ENTREP2: variants seen among roughly 807,000 people sequenced by gnomAD.
The protein encoded by ENTREP2 is protein ENTREP2.
At chr15:29,485,213 A>G in the ENTREP2 span, among the ~76,000 whole-genome samples, 422 of 152,280 alleles carry the variant, frequency 2.8e-3, 1 homozygote, top group Non-Finnish European at 4.3e-3. Flanking sequence ...TGGAATGGAG[A>G]GAAAGGTAAA....
At chr15:29,672,197 A>C in the ENTREP2 span, among the ~76,000 whole-genome samples, 1 of 152,160 alleles carries the variant, frequency 6.6e-6, no homozygotes, top group African/African-American at 2.4e-5. Flanking sequence ...CATGTTGGCC[A>C]GGCTGATCTC....
chr15:29,274,640 G>T, the ENTREP2 span, among the ~76,000 whole-genome samples: 1 of 152,138 alleles, frequency 6.6e-6, no homozygotes, highest in Admixed American at 6.6e-5. Context: ...CTTCTTTCCA[G>T]GGATTTCTGT....
chr15:29,287,287 G>A, the ENTREP2 span, among the ~76,000 whole-genome samples: 3 of 151,594 alleles, frequency 2.0e-5, no homozygotes, highest in African/African-American at 4.9e-5. Flanking sequence ...CCTTGTTCTC[G>A]GCTTTGCAAG....
the ENTREP2 span, among the ~76,000 whole-genome samples, chr15:29,515,416 C>A: frequency 6.6e-6 from 1 of 152,198 alleles, no homozygotes; most frequent in Non-Finnish European, 1.5e-5. Flanking sequence ...GGCAACAAAT[C>A]GGATGATGAC....
chr15:29,613,691 G>A, the ENTREP2 span: 1 of 168,810 alleles, frequency 5.9e-6, no homozygotes, highest in Non-Finnish European at 1.3e-5. Flanking sequence ...AAACTATGAG[G>A]ACCTGACCCA....
the ENTREP2 span, among the ~76,000 whole-genome samples, chr15:29,489,433 G>T: frequency 6.6e-6 from 1 of 152,216 alleles, no homozygotes; most frequent in South Asian, 2.1e-4. Context: ...AACATGGTGG[G>T]GTGATCTTTA....
the ENTREP2 span, among the ~76,000 whole-genome samples, chr15:29,588,075 C>T: frequency 6.6e-5 from 10 of 152,102 alleles, no homozygotes; most frequent in African/African-American, 1.2e-4. Context: ...GCATCGACAG[C>T]GGCTAACATT....
At chr15:29,312,207 T>C in the ENTREP2 span, among the ~76,000 whole-genome samples, 2 of 152,174 alleles carry the variant, frequency 1.3e-5, no homozygotes. Flanking sequence ...CCCATGTACT[T>C]AGACAAGAGA....
the ENTREP2 span, among the ~76,000 whole-genome samples, chr15:29,418,813 G>C: frequency 6.6e-6 from 1 of 152,214 alleles, no homozygotes; most frequent in Non-Finnish European, 1.5e-5. Context: ...ACAAGCAGCA[G>C]CCTGAGAACT....
chr15:29,507,966 A>C, the ENTREP2 span, among the ~76,000 whole-genome samples: 1 of 152,216 alleles, frequency 6.6e-6, no homozygotes, highest in Non-Finnish European at 1.5e-5. Context: ...ATCCAGGAGC[A>C]GATTTTTTGA....
the ENTREP2 span, among the ~76,000 whole-genome samples, chr15:29,149,288 GT>G: frequency 6.6e-6 from 1 of 152,196 alleles, no homozygotes; most frequent in East Asian, 1.9e-4. Flanking sequence ...GAACTCGACT[GT>G]GCTGTACCAG....
At chr15:29,382,349 T>G in the ENTREP2 span, among the ~76,000 whole-genome samples, 1 of 152,038 alleles carries the variant, frequency 6.6e-6, no homozygotes, top group East Asian at 1.9e-4. Flanking sequence ...CCTGCCATGG[T>G]TGCATGGACC....
chr15:29,132,967 G>A, the ENTREP2 span, among the ~76,000 whole-genome samples: 1 of 152,160 alleles, frequency 6.6e-6, no homozygotes, highest in Non-Finnish European at 1.5e-5. Context: ...GAAGGGGACA[G>A]AGCTGCCCCC....
At chr15:29,623,817 C>A in the ENTREP2 span, among the ~76,000 whole-genome samples, 1 of 152,214 alleles carries the variant, frequency 6.6e-6, no homozygotes, top group Non-Finnish European at 1.5e-5. Flanking sequence ...AACTCACCCT[C>A]TCCCTCCTCC....
the ENTREP2 span, among the ~76,000 whole-genome samples, chr15:29,145,635 A>T: frequency 1.3e-5 from 2 of 150,982 alleles, no homozygotes; most frequent in Admixed American, 6.6e-5. Flanking sequence ...AAAAAAAAAA[A>T]AAAAAAAAAA....
chr15:29,602,754 G>A, the ENTREP2 span, among the ~76,000 whole-genome samples: 1 of 152,064 alleles, frequency 6.6e-6, no homozygotes. Context: ...GTTCCTGGGA[G>A]CTCCTTAATG....
the ENTREP2 span, among the ~76,000 whole-genome samples, chr15:29,385,928 C>T: frequency 1.3e-5 from 2 of 152,148 alleles, no homozygotes; most frequent in Admixed American, 1.3e-4. Context: ...CACCAACAGA[C>T]ACCAGCAGAC....
the ENTREP2 span, among the ~76,000 whole-genome samples, chr15:29,449,522 T>C: frequency 6.6e-6 from 1 of 152,350 alleles, no homozygotes; most frequent in East Asian, 1.9e-4. Flanking sequence ...GATCACCCTT[T>C]ATGTCCTTTA....
the ENTREP2 span, among the ~76,000 whole-genome samples, chr15:29,425,931 T>C: frequency 6.6e-6 from 1 of 151,458 alleles, no homozygotes; most frequent in Non-Finnish European, 1.5e-5. Flanking sequence ...AATTGCTTAC[T>C]TCTGCAGTAT....
Sources: allele counts gnomAD v4.1 joint callset (sites outside exome capture counted in the v4.1 genomes callset), GRCh38; gene constraint gnomAD v4.1.1; transcripts MANE v1.5; gene names NCBI Gene and HGNC (gene_info 2026-07-23, HGNC 2026-07-21).